TP73: variants seen among roughly 807,000 people sequenced by gnomAD.
The protein encoded by TP73 is tumor protein p73, also known as p53-like transcription factor.
TP73 carries 25 observed loss-of-function variants against 62.5 expected under a neutral mutation model. That is an observed-to-expected ratio of 0.40 (90% CI 0.29 to 0.56). The LOEUF is 0.56. Ranked by LOEUF, TP73 falls within the 20% of genes least tolerant of loss-of-function variation. The probability of loss-of-function intolerance (pLI) is 0.46; values close to 1 mark genes in which losing one functional copy is unlikely to be tolerated. For missense variants in TP73, 754 were observed against 913.3 expected (o/e 0.83, Z 2.25); for synonymous variants, 423 against 377.5 (o/e 1.12, Z -1.40).
At chr1:3,709,117 C>T (rs568343381) in intron 4 of TP73, among the ~76,000 whole-genome samples, 29 of 152,282 alleles carry the variant, frequency 1.9e-4, no homozygotes, top group African/African-American at 6.7e-4. Context: ...ACAGTCCTGC[C>T]GGGCTGGTCT....
intron 8 of TP73, 69 bp from the exon 9 acceptor site, chr1:3,728,057 CCCT>C: frequency 6.8e-7 from 1 of 1,463,538 alleles, no homozygotes; most frequent in Non-Finnish European, 9.3e-7. Context: ...GGGCAGGTCT[CCCT>C]CCTCCCGGAA....
intron 12 of TP73, 25 bp from the exon 13 acceptor site, chr1:3,731,438 T>C: frequency 1.2e-6 from 2 of 1,609,948 alleles, no homozygotes; most frequent in Non-Finnish European, 8.5e-7. Flanking sequence ...CTAATGCTGC[T>C]TCCTTTCTCA....
intron 3 of TP73, among the ~76,000 whole-genome samples, chr1:3,688,052 G>A (rs1290367894): frequency 3.3e-5 from 5 of 152,134 alleles, no homozygotes; most frequent in South Asian, 2.1e-4. Context: ...AAGGGCAGGC[G>A]GACAGAGGGA....
At position 3,695,743 on chromosome 1, in the gene TP73, G is replaced by A. The variant is rs1055103154; in HGVS notation, c.187-11806G>A. Among the ~76,000 whole-genome samples the A allele has an allele frequency of 3.9e-5, 6 of 152,264 alleles. No homozygotes were observed. The East Asian group carries it at 7.7e-4, about 20-fold the overall frequency. On this transcript the variant is annotated intron_variant, in intron 3 of 13. Transcript: ENST00000378295. ...ACGTGGGGCTACGGAACCAAGGGAC[G>A]CAGCTGGCAGACGTTCTGGGAGGGC...
chr1:3,700,466 A>G (rs981731885), intron 3 of TP73, among the ~76,000 whole-genome samples: 1 of 152,228 alleles, frequency 6.6e-6, no homozygotes, highest in East Asian at 1.9e-4. Flanking sequence ...CTAGGGGGGA[A>G]CAGGGACACA....
At chr1:3,708,037 G>A (rs971402564) in intron 4 of TP73, 18 of 609,276 alleles carry the variant, frequency 3.0e-5, no homozygotes, top group Admixed American at 6.1e-5. Context: ...CAGAGGGGAC[G>A]GACTTGGCCC....
At chr1:3,674,013 C>T (rs941933763) in intron 1 of TP73, among the ~76,000 whole-genome samples, 1 of 152,180 alleles carries the variant, frequency 6.6e-6, no homozygotes, top group Non-Finnish European at 1.5e-5. Flanking sequence ...GAGGGCTGGT[C>T]TTCCCTCTCT....
intron 3 of TP73, among the ~76,000 whole-genome samples, chr1:3,683,394 G>C (rs938483608): frequency 2.6e-5 from 4 of 152,128 alleles, no homozygotes; most frequent in African/African-American, 9.7e-5. Flanking sequence ...GGCATGGCTG[G>C]ATCCAGGTGT....
intron 6 of TP73, among the ~76,000 whole-genome samples, chr1:3,725,898 T>G: frequency 1.1e-5 from 1 of 89,048 alleles, no homozygotes; most frequent in Non-Finnish European, 2.3e-5. Context: ...TTGACTGATA[T>G]TGAATGGATG....
At chr1:3,688,121 G>A (rs559260113) in intron 3 of TP73, among the ~76,000 whole-genome samples, 14 of 152,142 alleles carry the variant, frequency 9.2e-5, no homozygotes, top group South Asian at 2.1e-4. Flanking sequence ...GGGGTCATGC[G>A]TGGGAGCAGG....
intron 3 of TP73, chr1:3,690,658 C>T (rs1408476952): frequency 1.9e-5 from 27 of 1,399,440 alleles, no homozygotes; most frequent in Middle Eastern, 2.7e-4. Context: ...GGGTGGGCCG[C>T]GGGTTTTGTT....
Position 3,720,134 on chromosome 1 carries a change from G to A in TP73, c.430-1887G>A, listed in dbSNP as rs545855292. On this transcript the variant is annotated intron_variant, in intron 4 of 13. Coordinates refer to ENST00000378295, the MANE Select transcript of TP73 (RefSeq NM_005427.4). ...GACAGGGTTTCACCATATTGGCCAG[G>A]CTGGTCGAACTCCTGACCTCAGCTG... is the stretch of plus-strand genomic sequence containing the variant. 6.3e-4 allele frequency among the ~76,000 whole-genome samples: 96 copies of A among 152,322 alleles called. 1 individual carries two copies. The highest frequency in any genetic ancestry group is 2.1e-3 in the African/African-American group (86 of 41,586).
intron 3 of TP73, among the ~76,000 whole-genome samples, chr1:3,695,692 C>T (rs945088110): frequency 3.5e-4 from 54 of 152,262 alleles, no homozygotes; most frequent in Admixed American, 3.3e-3. Flanking sequence ...GTGCAGCAAG[C>T]TGCAGTTACT....
chr1:3,721,894 G>T (rs756395398), intron 4 of TP73, 127 bp from the exon 5 acceptor site: 18 of 977,696 alleles, frequency 1.8e-5, no homozygotes, highest in Non-Finnish European at 2.7e-5. Context: ...GGCTGCTTGG[G>T]GCAGTCTTCA....
intron 1 of TP73, among the ~76,000 whole-genome samples, chr1:3,654,464 C>A (rs1644824101): frequency 6.6e-6 from 1 of 152,226 alleles, no homozygotes; most frequent in Non-Finnish European, 1.5e-5. Flanking sequence ...TGCTGGGGTT[C>A]AAATCTCCTC....
intron 4 of TP73, chr1:3,708,678 G>A (rs944181081): frequency 6.6e-6 from 1 of 152,368 alleles, no homozygotes; most frequent in Non-Finnish European, 1.5e-5. Flanking sequence ...CAAGGTGAAG[G>A]CTGCATGACC....
intron 6 of TP73, 107 bp from the exon 7 acceptor site, chr1:3,727,008 C>A: frequency 2.3e-6 from 2 of 885,860 alleles, no homozygotes; most frequent in East Asian, 2.7e-5. Flanking sequence ...CAGGGCATCC[C>A]CCTGCCTACG....
chr1:3,731,313 T>G, intron 12 of TP73, 150 bp from the exon 13 acceptor site: 1 of 941,424 alleles, frequency 1.1e-6, no homozygotes, highest in East Asian at 2.6e-5. Flanking sequence ...GTCCCCTCCC[T>G]GAGGGATGCC....
rs1185965504 is a variant in TP73, at chr1:3,734,062, AG to A, written c.*984del. 6.6e-6 allele frequency: 1 copy of A among 152,094 alleles called. No homozygotes were observed. Among genetic ancestry groups the A allele is most frequent in the Admixed American group, 6.5e-5 (1 of 15,270 alleles). 9.4% of individuals were successfully genotyped at this position (152,094 alleles called of 1,614,324 possible). A position where few individuals can be genotyped will look rare whatever the true frequency, so the allele number is the denominator to read the frequency against. On this transcript the variant is annotated 3_prime_UTR_variant, in exon 14 of 14. Transcript: ENST00000378295. The surrounding 1 kb of genome is among the most constrained non-coding windows in gnomAD (Gnocchi z 4.4). ...GGAAGGCCGGGTGGGGAGGAAGCCT[AG>A]AGGGAACCCCAGGAAGGGCAAATCC...
Sources: allele counts gnomAD v4.1 joint callset (sites outside exome capture counted in the v4.1 genomes callset), GRCh38; gene constraint gnomAD v4.1.1; non-coding constraint Gnocchi (gnomAD v3.1); transcripts MANE v1.5; gene names NCBI Gene and HGNC (gene_info 2026-07-23, HGNC 2026-07-21).